Variants in MB21D2 observed in about 807,000 individuals in gnomAD.
MB21D2 encodes Mab-21 domain containing 2, also known as nucleotidyltransferase MB21D2.
In MB21D2, 9 loss-of-function variants were observed where a neutral mutation model predicts 33.3. The observed-to-expected ratio is 0.27, with a 90% CI of 0.16 to 0.47. The LOEUF is 0.47. Among genes scored for constraint, MB21D2 ranks in the 20% least tolerant of loss-of-function variants. MB21D2 has a pLI of 0.99. For missense variants in MB21D2, 540 were observed against 624.6 expected, an observed-to-expected ratio of 0.86 and a Z score of 1.44; for synonymous variants, 241 against 236.3, an observed-to-expected ratio of 1.02 and a Z score of -0.18.
chr3:192,811,779 G>A (rs1711792640), intron 1 of MB21D2, among the ~76,000 whole-genome samples: 1 of 152,090 alleles, frequency 6.6e-6, no homozygotes, highest in Non-Finnish European at 1.5e-5. Flanking sequence ...TGGGGATTAA[G>A]GTTGGGGAGG....
At chr3:192,917,601 A>G in intron 1 of MB21D2, 29 bp downstream of exon 1, 2 of 1,608,870 alleles carry the variant, frequency 1.2e-6, no homozygotes, top group Non-Finnish European at 1.7e-6. Flanking sequence ...ACACACACGC[A>G]CACACACCTC....
chr3:192,814,769 G>A (rs1711881797), intron 1 of MB21D2, among the ~76,000 whole-genome samples: 1 of 151,876 alleles, frequency 6.6e-6, no homozygotes, highest in African/African-American at 2.4e-5. Context: ...GGAGGCTGAG[G>A]CAGGAGAATG....
chr3:192,808,454 G>T (rs975275468), intron 1 of MB21D2, among the ~76,000 whole-genome samples: 1 of 152,228 alleles, frequency 6.6e-6, no homozygotes, highest in African/African-American at 2.4e-5. Flanking sequence ...TAGTACAGAA[G>T]AAATGGAATT....
chr3:192,894,214 T>C (rs115286896), intron 1 of MB21D2, among the ~76,000 whole-genome samples: 4,125 of 152,086 alleles, frequency 0.027, 70 homozygotes, highest in Middle Eastern at 0.048. Flanking sequence ...AAACGACCTC[T>C]GCCTCCTAGA....
rs550273028 is a variant in MB21D2, at chr3:192,893,291, C to T, written c.211+24339G>A. On this transcript the variant is annotated intron_variant, in intron 1 of 1. Coordinates refer to ENST00000392452, the MANE Select transcript of MB21D2 (RefSeq NM_178496.4). ...ACCGAAACTGCGTTCCAAACATTTC[C>T]TTGAAATATAAATCACTGCCCTCAA... Among the ~76,000 whole-genome samples, 25 of 152,282 alleles carry T rather than the reference C, an allele frequency of 1.6e-4. No homozygotes were observed. The South Asian group carries it at 5.2e-3, about 32-fold the overall frequency.
rs926785422 is a variant in MB21D2 at position 192,882,989 on chromosome 3, T to C, written c.211+34641A>G. 3.3e-5 allele frequency among the ~76,000 whole-genome samples: 5 copies of C among 152,004 alleles called. 1 individual carries two copies. Among genetic ancestry groups the C allele is most frequent in the African/African-American group, 1.2e-4 (5 of 41,316 alleles). ...CTCAGGTAATCCACCCACCTCAGCC[T>C]CCCAAAGTGCTGGGATTACAGGCAT... On this transcript the variant is annotated intron_variant, in intron 1 of 1. Coordinates refer to ENST00000392452, the MANE Select transcript of MB21D2 (RefSeq NM_178496.4).
chr3:192,885,655 A>C (rs1713716593), intron 1 of MB21D2, among the ~76,000 whole-genome samples: 1 of 152,126 alleles, frequency 6.6e-6, no homozygotes, highest in Non-Finnish European at 1.5e-5. Flanking sequence ...CTGCCTAGAG[A>C]GGGACAGGCA....
At chr3:192,844,156 C>T (rs546611880) in intron 1 of MB21D2, among the ~76,000 whole-genome samples, 9 of 152,360 alleles carry the variant, frequency 5.9e-5, no homozygotes, top group African/African-American at 2.2e-4. Context: ...CTCGCCAGCC[C>T]ACGGGGCATC....
chr3:192,804,244 C>G (rs909491835), intron 1 of MB21D2, among the ~76,000 whole-genome samples: 1 of 152,120 alleles, frequency 6.6e-6, no homozygotes, highest in African/African-American at 2.4e-5. Flanking sequence ...TAAATTGAAA[C>G]TGCAAACCTT....
intron 1 of MB21D2, among the ~76,000 whole-genome samples, chr3:192,904,509 C>T (rs576852743): frequency 2.0e-5 from 3 of 152,236 alleles, no homozygotes; most frequent in African/African-American, 7.2e-5. Flanking sequence ...CCCAGACCCT[C>T]GGCCCCGGGC....
intron 1 of MB21D2, among the ~76,000 whole-genome samples, chr3:192,903,501 C>T (rs1714145464): frequency 6.6e-6 from 1 of 152,144 alleles, no homozygotes; most frequent in Admixed American, 6.6e-5. Context: ...AGTTATTTGC[C>T]AATTTCTGCC....
chr3:192,856,989 A>T (rs1712931573), intron 1 of MB21D2, among the ~76,000 whole-genome samples: 1 of 152,222 alleles, frequency 6.6e-6, no homozygotes, highest in South Asian at 2.1e-4. Flanking sequence ...ACATAAGCAA[A>T]GGAAAAAATG....
At chr3:192,846,221 A>G (rs771141739) in intron 1 of MB21D2, among the ~76,000 whole-genome samples, 17 of 152,236 alleles carry the variant, frequency 1.1e-4, no homozygotes, top group Non-Finnish European at 2.2e-4. Context: ...TAAAACTTAC[A>G]TAGTGTATCT....
intron 1 of MB21D2, among the ~76,000 whole-genome samples, chr3:192,857,116 G>T (rs1019930801): frequency 6.6e-6 from 1 of 152,094 alleles, no homozygotes; most frequent in Non-Finnish European, 1.5e-5. Context: ...AAGGCAAGCA[G>T]AAATATGAAT....
chr3:192,900,563 C>CT (rs201714162), intron 1 of MB21D2, among the ~76,000 whole-genome samples: 12 of 149,768 alleles, frequency 8.0e-5, no homozygotes, highest in Middle Eastern at 3.4e-3. Context: ...TGTAAAGCTT[C>CT]TTTTTTTTTT....
In MB21D2 at chr3:192,809,171, C is replaced by T. The variant is rs572039403; in HGVS notation, c.212-9521G>A. 6.6e-5 allele frequency among the ~76,000 whole-genome samples: 10 copies of T among 152,290 alleles called. No individual in the cohort carries two copies. In the East Asian group the frequency reaches 1.9e-3, roughly 29 times the overall value. On this transcript the variant is annotated intron_variant, in intron 1 of 1. Transcript: ENST00000392452. ...AGTGCAGTGGCACAATCTTGGCTCA[C>T]TGCAACCTCCATCTCCCTGGCTCAA...
chr3:192,798,302 G>T lies in MB21D2; in HGVS notation c.*84C>A. 1 of 1,466,896 alleles carries T rather than the reference G, an allele frequency of 6.8e-7. No individual in the cohort carries two copies. The highest frequency in any genetic ancestry group is 1.3e-5 in the South Asian group (1 of 76,974). 90.9% of individuals were successfully genotyped at this position (1,466,896 alleles called of 1,614,324 possible). On this transcript the variant is annotated 3_prime_UTR_variant, in exon 2 of 2. Coordinates refer to ENST00000392452, the MANE Select transcript of MB21D2 (RefSeq NM_178496.4). The surrounding 1 kb of genome is among the most constrained non-coding windows in gnomAD (Gnocchi z 4.8). ...AACAAATCCAATCTAGGCTGGATATGTAAAAAACAGAAAGATAGCATCACA... is the reference window on the plus strand; with the variant it reads ...AACAAATCCAATCTAGGCTGGATATTTAAAAAACAGAAAGATAGCATCACA...
At chr3:192,915,739 AT>A (rs1714450061) in intron 1 of MB21D2, among the ~76,000 whole-genome samples, 1 of 152,188 alleles carries the variant, frequency 6.6e-6, no homozygotes, top group African/African-American at 2.4e-5. Flanking sequence ...AGCTTTGCTG[AT>A]TCAGTGTATC....
intron 1 of MB21D2, among the ~76,000 whole-genome samples, chr3:192,830,260 GTGTGTGT>G (rs765614428): frequency 0.018 from 2,723 of 152,026 alleles, 75 homozygotes; most frequent in South Asian, 0.13. Flanking sequence ...GTGTGTGTGT[GTGTGTGT>G]GTGGGTGTCA....
Sources: gnomAD v4.1 joint callset for allele counts (sites outside exome capture counted in the v4.1 genomes callset) on GRCh38, gnomAD v4.1.1 for gene constraint, Gnocchi (gnomAD v3.1) non-coding constraint, MANE v1.5 for transcripts, NCBI Gene and HGNC (gene_info 2026-07-23, HGNC 2026-07-21) for gene names.